HIBADH: variants seen among roughly 807,000 people sequenced by gnomAD.
HIBADH encodes the protein 3-hydroxyisobutyrate dehydrogenase.
In HIBADH, 25 loss-of-function variants were observed where a neutral mutation model predicts 36.1. The ratio of observed to expected loss-of-function variants is 0.69; its 90% CI spans 0.50 to 0.97. The LOEUF is 0.97. HIBADH is among the 50% of genes least tolerant of loss of function. The pLI is 0.00. For missense variants in HIBADH, 421 were observed against 418.0 expected, an observed-to-expected ratio of 1.01 and a Z score of -0.06; for synonymous variants, 160 against 149.5, an observed-to-expected ratio of 1.07 and a Z score of -0.51.
intron 4 of HIBADH, among the ~76,000 whole-genome samples, chr7:27,583,362 T>C (rs1241440146): frequency 6.6e-6 from 1 of 152,006 alleles, no homozygotes; most frequent in East Asian, 1.9e-4. Flanking sequence ...ACAAAACTAG[T>C]AAAAAGCAAA....
intron 5 of HIBADH, chr7:27,541,748 G>C (rs1297133899): frequency 9.2e-6 from 4 of 435,108 alleles, no homozygotes; most frequent in East Asian, 8.2e-5. Context: ...AAGGTTTATG[G>C]TATTGCACTA....
intron 1 of HIBADH, among the ~76,000 whole-genome samples, chr7:27,656,373 A>G (rs1374630970): frequency 6.6e-6 from 1 of 152,226 alleles, no homozygotes; most frequent in Non-Finnish European, 1.5e-5. Flanking sequence ...AACTAATTAT[A>G]TATTAATAGG....
intron 4 of HIBADH, among the ~76,000 whole-genome samples, chr7:27,604,672 A>G (rs763927324): frequency 1.3e-5 from 2 of 152,166 alleles, no homozygotes; most frequent in Non-Finnish European, 2.9e-5. Flanking sequence ...AAATGTCATG[A>G]GTACCTTTGT....
rs1197792846 is a variant in HIBADH, at chr7:27,531,220, C to T, written c.824G>A (p.Gly275Asp). The change falls in exon 7 of 8, where the codon GGT (glycine) becomes GAT (aspartate). Residue 275 changes from glycine (G) to aspartate (D), a missense_variant. By Grantham distance (94) the Gly-to-Asp change is moderately conservative. Transcript: ENST00000265395. Reference sequence around the variant, plus strand: ...AGCCATGAGTGTTGTTCCAAATCCACCCTGATAGTTATTAGCCGAGGGAAC... The same window carrying T: ...AGCCATGAGTGTTGTTCCAAATCCATCCTGATAGTTATTAGCCGAGGGAAC... ...DGVPSANNYQ[G>D]GFGTTLMAKD... The T allele has an allele frequency of 6.2e-7, 1 of 1,613,778 alleles. No homozygotes were observed. Among genetic ancestry groups the T allele is most frequent in the African/African-American group, 1.3e-5 (1 of 74,900 alleles).
At position 27,659,729 on chromosome 7, in the gene HIBADH, T is replaced by C. The variant is rs926195000; in HGVS notation, c.91+2969A>G. On this transcript the variant is annotated intron_variant, in intron 1 of 7. Transcript: ENST00000265395. ...AGAGAGAGAGAGACCCCATCTCAAATAAACAAACAAACAAACAAACAAACA... is the reference window on the plus strand; with the variant it reads ...AGAGAGAGAGAGACCCCATCTCAAACAAACAAACAAACAAACAAACAAACA... Among the ~76,000 whole-genome samples the C allele has an allele frequency of 2.1e-4, 31 of 151,170 alleles. 2 individuals are homozygous for C. Among genetic ancestry groups the C allele is most frequent in the Admixed American group, 1.1e-3 (17 of 15,168 alleles).
intron 4 of HIBADH, among the ~76,000 whole-genome samples, chr7:27,557,200 G>GT (rs772579939): frequency 7.8e-4 from 114 of 147,024 alleles, no homozygotes; most frequent in East Asian, 2.8e-3. Flanking sequence ...TGAGCTTAAG[G>GT]TTTTTTTTTT....
intron 7 of HIBADH, among the ~76,000 whole-genome samples, chr7:27,526,886 G>A (rs17155443): frequency 0.17 from 25,549 of 152,044 alleles, 2,631 homozygotes; most frequent in East Asian, 0.44. Context: ...AATTAAATAA[G>A]CATGGTATAA....
At chr7:27,550,891 T>C (rs1400556871) in intron 4 of HIBADH, among the ~76,000 whole-genome samples, 1 of 152,242 alleles carries the variant, frequency 6.6e-6, no homozygotes, top group East Asian at 1.9e-4. Context: ...TAAGACTTAA[T>C]ATTTTCTAGT....
At position 27,628,684 on chromosome 7, in the gene HIBADH, A is replaced by T. The variant is rs1021993381; in HGVS notation, c.484+687T>A. ...TGCACAGATTTTCTAAAATTAAGCC[A>T]TCTCAGCATACATGGGCTAAAGGAA... On this transcript the variant is annotated intron_variant, in intron 4 of 7. Transcript: ENST00000265395. Among the ~76,000 whole-genome samples, 46 of 152,106 alleles carry T rather than the reference A, an allele frequency of 3.0e-4. 1 individual carries two copies. Among genetic ancestry groups the T allele is most frequent in the Non-Finnish European group, 1.2e-4 (8 of 67,946 alleles).
At chr7:27,575,255 C>A (rs1333307789) in intron 4 of HIBADH, among the ~76,000 whole-genome samples, 1 of 152,156 alleles carries the variant, frequency 6.6e-6, no homozygotes, top group African/African-American at 2.4e-5. Context: ...AGGTGAGACC[C>A]TAACCTGTCA....
At chr7:27,556,906 G>C (rs1346421249) in intron 4 of HIBADH, among the ~76,000 whole-genome samples, 2 of 152,168 alleles carry the variant, frequency 1.3e-5, no homozygotes, top group Non-Finnish European at 2.9e-5. Context: ...AGAGGATAAA[G>C]GAGGATAGAA....
At chr7:27,531,145 C>A in intron 7 of HIBADH, 47 bp downstream of exon 7, 1 of 1,530,648 alleles carries the variant, frequency 6.5e-7, no homozygotes. Context: ...TGTTATTGGA[C>A]CGTGAAACGT....
Position 27,651,742 on chromosome 7 carries a change from G to C in HIBADH, c.92-2109C>G, listed in dbSNP as rs1583621539. Among the ~76,000 whole-genome samples, 4 of 152,244 alleles carry C rather than the reference G, an allele frequency of 2.6e-5. No homozygotes were observed. In the South Asian group the frequency reaches 8.3e-4, roughly 32 times the overall value. On this transcript the variant is annotated intron_variant, in intron 1 of 7. Coordinates refer to ENST00000265395, the MANE Select transcript of HIBADH (RefSeq NM_152740.4). ...AGCAACTATCACATGTACCAAAAGA[G>C]ATGCCAAAGAAGGTAAGAGACACAG...
At chr7:27,566,397 T>C (rs1426620432) in intron 4 of HIBADH, among the ~76,000 whole-genome samples, 2 of 152,066 alleles carry the variant, frequency 1.3e-5, no homozygotes, top group African/African-American at 4.8e-5. Flanking sequence ...GTCCATTTCA[T>C]TTACACTGCA....
intron 4 of HIBADH, among the ~76,000 whole-genome samples, chr7:27,598,880 G>C (rs1318957948): frequency 2.0e-5 from 3 of 151,220 alleles, no homozygotes; most frequent in Non-Finnish European, 4.4e-5. Flanking sequence ...TAGAAGATTA[G>C]GAACCTACAA....
At chr7:27,539,792 A>T (rs1388160307) in intron 5 of HIBADH, among the ~76,000 whole-genome samples, 1 of 150,378 alleles carries the variant, frequency 6.6e-6, no homozygotes, top group Non-Finnish European at 1.5e-5. Flanking sequence ...TAACATAAAC[A>T]GTTGATTAAC....
intron 4 of HIBADH, among the ~76,000 whole-genome samples, chr7:27,623,371 C>T (rs1024769270): frequency 6.6e-6 from 1 of 152,118 alleles, no homozygotes; most frequent in African/African-American, 2.4e-5. Flanking sequence ...TTCACCACTC[C>T]TATTTAACAT....
chr7:27,576,890 A>G (rs1400588830), intron 4 of HIBADH, among the ~76,000 whole-genome samples: 3 of 152,194 alleles, frequency 2.0e-5, no homozygotes, highest in African/African-American at 7.2e-5. Flanking sequence ...TGAAATCAAC[A>G]TTAATACAAT....
At chr7:27,584,224 A>G (rs1355582285) in intron 4 of HIBADH, among the ~76,000 whole-genome samples, 1 of 152,082 alleles carries the variant, frequency 6.6e-6, no homozygotes, top group East Asian at 1.9e-4. Flanking sequence ...ATGTTACATT[A>G]AAATCTATCC....
Sources: gnomAD v4.1 joint callset for allele counts (sites outside exome capture counted in the v4.1 genomes callset) on GRCh38, gnomAD v4.1.1 for gene constraint, MANE v1.5 for transcripts, NCBI Gene and HGNC (gene_info 2026-07-23, HGNC 2026-07-21) for gene names.